BMPR1B: variants seen among roughly 807,000 people sequenced by gnomAD.
The protein encoded by BMPR1B is bone morphogenetic protein receptor type 1B, also known as bone morphogenetic protein receptor type-1B.
In BMPR1B, 12 loss-of-function variants were observed where a neutral mutation model predicts 59.1. The observed-to-expected ratio is 0.20, with a 90% CI of 0.13 to 0.33. The LOEUF is 0.33. BMPR1B is among the 10% of genes least tolerant of loss of function. The probability of loss-of-function intolerance (pLI) is 1.00; values close to 1 mark genes in which losing one functional copy is unlikely to be tolerated. For missense variants in BMPR1B, 550 were observed against 610.9 expected, an observed-to-expected ratio of 0.90 and a Z score of 1.05; for synonymous variants, 237 against 207.3, an observed-to-expected ratio of 1.14 and a Z score of -1.23.
chr4:95,143,507 C>G (rs1032509652), intron 10 of BMPR1B, among the ~76,000 whole-genome samples: 1 of 152,118 alleles, frequency 6.6e-6, no homozygotes, highest in Non-Finnish European at 1.5e-5. Context: ...AAACCATAAC[C>G]TACAGAACTG....
chr4:94,803,076 T>C (rs1386643510), intron 1 of BMPR1B, among the ~76,000 whole-genome samples: 1 of 152,176 alleles, frequency 6.6e-6, no homozygotes, highest in East Asian at 1.9e-4. Context: ...GATGAACTCA[T>C]GGTCAGTTCT....
At chr4:94,882,737 A>G (rs529242509) in intron 2 of BMPR1B, among the ~76,000 whole-genome samples, 2 of 152,294 alleles carry the variant, frequency 1.3e-5, no homozygotes, top group East Asian at 3.9e-4. Flanking sequence ...GGGTCTTCAG[A>G]TCTCCTTCTG....
chr4:94,977,381 T>C (rs530151361), intron 2 of BMPR1B, among the ~76,000 whole-genome samples: 54 of 152,342 alleles, frequency 3.5e-4, no homozygotes, highest in South Asian at 2.1e-4. Flanking sequence ...CCTGGTATTT[T>C]ATTTTTCCCT....
intron 3 of BMPR1B, among the ~76,000 whole-genome samples, chr4:95,042,651 A>G (rs1027512521): frequency 1.3e-5 from 2 of 152,188 alleles, no homozygotes; most frequent in African/African-American, 4.8e-5. Flanking sequence ...GTAGTGCCTC[A>G]CAAACAGTAA....
chr4:94,882,424 C>G (rs1247611400), intron 2 of BMPR1B, among the ~76,000 whole-genome samples: 1 of 152,190 alleles, frequency 6.6e-6, no homozygotes, highest in Non-Finnish European at 1.5e-5. Flanking sequence ...GTAGAAATAA[C>G]ATAAATATTT....
At chr4:94,998,776 C>T (rs1722242988) in intron 3 of BMPR1B, among the ~76,000 whole-genome samples, 1 of 152,050 alleles carries the variant, frequency 6.6e-6, no homozygotes, top group Non-Finnish European at 1.5e-5. Context: ...TAGATAAAGA[C>T]CAGGCTTTAC....
At chr4:95,021,260 G>T (rs1691022145) in intron 3 of BMPR1B, among the ~76,000 whole-genome samples, 1 of 152,114 alleles carries the variant, frequency 6.6e-6, no homozygotes, top group Non-Finnish European at 1.5e-5. Flanking sequence ...AGAAAGTACA[G>T]TACTTACTTG....
rs189764413 is a variant in BMPR1B, at chr4:95,022,558, A to C, written c.-18+26424A>C. On this transcript the variant is annotated intron_variant, in intron 3 of 12. Coordinates refer to ENST00000515059, the MANE Select transcript of BMPR1B (RefSeq NM_001203.3). ...AAATTTTATTGATGTTCTAGGTGTG[A>C]CCTTTGCTATTTATATTTATATATT... is the stretch of plus-strand genomic sequence containing the variant. Among the ~76,000 whole-genome samples, 8 of 152,126 alleles carry C rather than the reference A, an allele frequency of 5.3e-5. No homozygotes were observed. In the East Asian group the frequency reaches 1.5e-3, roughly 29 times the overall value.
chr4:95,022,656 T>C (rs2149139195), intron 3 of BMPR1B, among the ~76,000 whole-genome samples: 1 of 152,242 alleles, frequency 6.6e-6, no homozygotes, highest in African/African-American at 2.4e-5. Flanking sequence ...AATATTTTTA[T>C]TTTTATTATG....
chr4:94,808,868 A>T (rs923341759), intron 1 of BMPR1B, among the ~76,000 whole-genome samples: 2 of 152,168 alleles, frequency 1.3e-5, no homozygotes, highest in Non-Finnish European at 2.9e-5. Flanking sequence ...CAGCTCGGCC[A>T]ACATGGTGAA....
chr4:94,887,731 CAT>C (rs1385945798), intron 2 of BMPR1B, among the ~76,000 whole-genome samples: 1 of 151,698 alleles, frequency 6.6e-6, no homozygotes, highest in Non-Finnish European at 1.5e-5. Flanking sequence ...CAAAATGGGT[CAT>C]AGAGAAAGTG....
intron 3 of BMPR1B, among the ~76,000 whole-genome samples, chr4:95,028,821 A>C (rs1033637438): frequency 7.2e-5 from 11 of 152,062 alleles, no homozygotes; most frequent in African/African-American, 2.4e-4. Flanking sequence ...AAGTTGATTA[A>C]ACAGAATTAA....
chr4:94,796,860 G>T (rs1356413993), intron 1 of BMPR1B, among the ~76,000 whole-genome samples: 4 of 152,138 alleles, frequency 2.6e-5, no homozygotes, highest in Non-Finnish European at 5.9e-5. Context: ...ATTTATCTTT[G>T]ATTTGTAATT....
intron 2 of BMPR1B, among the ~76,000 whole-genome samples, chr4:94,893,794 C>G (rs1727486516): frequency 6.8e-6 from 1 of 146,990 alleles, no homozygotes; most frequent in African/African-American, 2.6e-5. Flanking sequence ...AACAAACAAA[C>G]AAAAAGGTGG....
At chr4:94,792,410 C>T (rs188095896) in intron 1 of BMPR1B, among the ~76,000 whole-genome samples, 339 of 152,158 alleles carry the variant, frequency 2.2e-3, no homozygotes, top group African/African-American at 7.7e-3. Context: ...GGGCTCATGC[C>T]AAGTCCCCTT....
chr4:95,124,354 T>C (rs563675515), intron 7 of BMPR1B, among the ~76,000 whole-genome samples: 8 of 151,988 alleles, frequency 5.3e-5, no homozygotes, highest in Non-Finnish European at 1.0e-4. Flanking sequence ...GTAATTCCTA[T>C]TTTTTTAATG....
rs1055717864 is a variant in BMPR1B at position 94,821,359 on chromosome 4, T to G, written c.-182-54472T>G. Among the ~76,000 whole-genome samples, 15 of 152,294 alleles carry G rather than the reference T, an allele frequency of 9.8e-5. No homozygotes were observed. In the East Asian group the frequency reaches 2.7e-3, roughly 27 times the overall value. The stretch of plus-strand genomic sequence containing the variant: ...AAGTTTAATACTAACAAAAAGTGTT[T>G]AATAATATTAGCGAAGTTTTCTCAG... On this transcript the variant is annotated intron_variant, in intron 1 of 12. Transcript: ENST00000515059.
chr4:95,099,780 G>C (rs138518465), intron 3 of BMPR1B, among the ~76,000 whole-genome samples: 21 of 152,122 alleles, frequency 1.4e-4, no homozygotes, highest in African/African-American at 5.1e-4. Flanking sequence ...ATAAATAACT[G>C]TACTACTCTT....
At chr4:95,137,792 A>G (rs1342281718) in intron 10 of BMPR1B, among the ~76,000 whole-genome samples, 5 of 152,078 alleles carry the variant, frequency 3.3e-5, no homozygotes, top group Non-Finnish European at 5.9e-5. Context: ...TTTTGAGCCT[A>G]TGTGTGTCTC....
Sources: allele counts gnomAD v4.1 joint callset (sites outside exome capture counted in the v4.1 genomes callset), GRCh38; gene constraint gnomAD v4.1.1; transcripts MANE v1.5; gene names NCBI Gene and HGNC (gene_info 2026-07-23, HGNC 2026-07-21).